The following COL27A1 variants were observed in gnomAD, a reference collection of about 807,000 sequenced individuals.
COL27A1 encodes the protein collagen type XXVII alpha 1 chain.
In COL27A1, 106 loss-of-function variants were observed where a neutral mutation model predicts 251.3. The observed-to-expected ratio is 0.42, with a 90% CI of 0.36 to 0.50. The LOEUF (loss-of-function observed/expected upper bound fraction) is 0.50. Ranked by LOEUF, COL27A1 falls within the 20% of genes least tolerant of loss-of-function variation. The pLI is 0.00. For missense variants in COL27A1, 2,325 were observed against 2,522.8 expected (o/e 0.92, Z 1.68); for synonymous variants, 1,000 against 986.3 (o/e 1.01, Z -0.26).
chr9:114,263,982 A>G (rs1002552850), intron 28 of COL27A1, among the ~76,000 whole-genome samples: 5 of 152,240 alleles, frequency 3.3e-5, no homozygotes, highest in African/African-American at 1.2e-4. Flanking sequence ...ACATGGCAGC[A>G]GAGTCTGAAG....
intron 50 of COL27A1, 185 bp downstream of exon 50, chr9:114,300,308 A>G (rs1161353331): frequency 9.4e-6 from 6 of 636,372 alleles, no homozygotes; most frequent in Non-Finnish European, 1.6e-5. Flanking sequence ...CAGCTACACA[A>G]TTACCTGCTC....
chr9:114,186,742 A>G (rs988325058), intron 5 of COL27A1, among the ~76,000 whole-genome samples: 1 of 152,202 alleles, frequency 6.6e-6, no homozygotes, highest in African/African-American at 2.4e-5. Flanking sequence ...CAGAATTGAC[A>G]TGACTGGATG....
rs1219651374 is a variant in COL27A1, at chr9:114,167,628, G to T, written c.134-61G>T. 5.6e-6 allele frequency: 8 copies of T among 1,434,260 alleles called. No homozygotes were observed. The African/African-American group carries it at 8.4e-5, about 15-fold the overall frequency. 88.8% of individuals were successfully genotyped at this position (1,434,260 alleles called of 1,614,324 possible). On this transcript the variant is annotated intron_variant, in intron 2 of 60. Transcript: ENST00000356083. Reference sequence around the variant, plus strand: ...ATTGCCTGTGCCCCTTAGGGGGTAGGGGGTGGGGTGGGCTGGAGCAGGCCC... The same window carrying T: ...ATTGCCTGTGCCCCTTAGGGGGTAGTGGGTGGGGTGGGCTGGAGCAGGCCC...
At position 114,290,320 on chromosome 9, in the gene COL27A1, G is replaced by A; in HGVS notation, c.4357G>A (p.Ala1453Thr). The A allele has an allele frequency of 3.2e-6, 5 of 1,576,832 alleles. No individual in the cohort carries two copies. Among genetic ancestry groups the A allele is most frequent in the Non-Finnish European group, 4.3e-6 (5 of 1,161,138 alleles). Residue 1453 changes from alanine to threonine, a missense_variant, in exon 47 of 61, where the codon GCA becomes ACA. Ala to Thr is a moderately conservative substitution (Grantham distance 58, BLOSUM62 0). This residue lies in a region of COL27A1 where 153 missense variants were observed against 140.7 expected (regional missense o/e 1.09). Transcript: ENST00000356083. The surrounding 1 kb of genome is among the most constrained non-coding windows in gnomAD (Gnocchi z 4.6). ...TGGGCTTCCTGGCAGGGACGGGCAA[G>A]CAGGACAGCAGGTGAGCGGGAATTG... is the stretch of plus-strand genomic sequence containing the variant. Reference protein sequence around the residue: ...PDGLPGRDGQAGQQGEQGDDG... With the variant: ...PDGLPGRDGQTGQQGEQGDDG...
intron 27 of COL27A1, among the ~76,000 whole-genome samples, chr9:114,255,208 G>A (rs1269259872): frequency 2.6e-5 from 4 of 152,204 alleles, no homozygotes; most frequent in Non-Finnish European, 5.9e-5. Context: ...GACTGTTGGG[G>A]TAGAAGCAGG....
intron 12 of COL27A1, among the ~76,000 whole-genome samples, chr9:114,214,008 T>C (rs1830542330): frequency 6.6e-6 from 1 of 152,202 alleles, no homozygotes; most frequent in Admixed American, 6.5e-5. Flanking sequence ...CTCAACTCTG[T>C]TCCAGCCACC....
chr9:114,247,363 C>T lies in COL27A1; in HGVS notation c.2979+1453C>T, dbSNP rs562664124. On this transcript the variant is annotated intron_variant, in intron 24 of 60. Transcript: ENST00000356083. The stretch of plus-strand genomic sequence containing the variant: ...GTGGTTTGTTGCCTACACTCATATT[C>T]GAGGCAAATGCTAAATTTCAATTAG... Among the ~76,000 whole-genome samples, 454 of 152,206 alleles carry T rather than the reference C, an allele frequency of 3.0e-3. 3 individuals carry two copies. The highest frequency in any genetic ancestry group is 0.01 in the Middle Eastern group (3 of 294).
At chr9:114,300,286 A>G in intron 50 of COL27A1, 163 bp downstream of exon 50, 1 of 693,714 alleles carries the variant, frequency 1.4e-6, no homozygotes, top group Middle Eastern at 3.6e-4. Flanking sequence ...CAGAAGATCT[A>G]GGTTCCAAGC....
In COL27A1 at chr9:114,311,897, G is replaced by C. The variant is rs1053702315; in HGVS notation, c.*1202G>C. On this transcript the variant is annotated 3_prime_UTR_variant, in exon 61 of 61. Transcript: ENST00000356083. ...CCGAGGTCCTCACTTCCAGGAGCCT[G>C]TCCTTGCAAGATGCAATCATCGTTC... The C allele has an allele frequency of 1.3e-5, 2 of 152,254 alleles. No homozygotes were observed. The highest frequency in any genetic ancestry group is 4.8e-5 in the African/African-American group (2 of 41,462). The allele number at this position is 152,254 out of a possible 1,614,324, so 9.4% of individuals were successfully genotyped here. A position where few individuals can be genotyped will look rare whatever the true frequency, so the allele number is the denominator to read the frequency against.
At chr9:114,301,524 T>TC in intron 54 of COL27A1, 62 bp downstream of exon 54, 1 of 1,576,228 alleles carries the variant, frequency 6.3e-7, no homozygotes, top group South Asian at 1.1e-5. Context: ...TGCATTCTCC[T>TC]CCCGGTGGTA....
chr9:114,292,181 CA>C lies in COL27A1; in HGVS notation c.4556del (p.Gln1519ArgfsTer48), dbSNP rs1827967460. ...TEGRTGLPGN[Q>X]GEPGSKGQPG... ...GGGCAGAACGGGGCTCCCTGGAAAC[CA>C]GGGGGAGCCTGGGTCCAAAGGCCAG... On this transcript the variant is annotated frameshift_variant, in exon 49 of 61. Transcript: ENST00000356083. LOFTEE classifies it high-confidence loss of function. 1 of 1,557,412 alleles carries C rather than the reference CA, an allele frequency of 6.4e-7. No individual in the cohort carries two copies. The highest frequency in any genetic ancestry group is 1.2e-5 in the South Asian group (1 of 84,334).
chr9:114,217,123 C>T (rs2135369522), intron 12 of COL27A1, among the ~76,000 whole-genome samples: 1 of 152,324 alleles, frequency 6.6e-6, no homozygotes, highest in African/African-American at 2.4e-5. Context: ...TTTACTGTTG[C>T]TATGATTGTT....
chr9:114,240,596 A>C, intron 21 of COL27A1, 109 bp downstream of exon 21: 1 of 1,035,318 alleles, frequency 9.7e-7, no homozygotes, highest in Non-Finnish European at 1.4e-6. Flanking sequence ...CCCCTCAGCC[A>C]GGACACCACC....
intron 24 of COL27A1, among the ~76,000 whole-genome samples, chr9:114,248,493 C>T (rs1057302986): frequency 4.6e-5 from 7 of 152,218 alleles, no homozygotes; most frequent in Non-Finnish European, 7.3e-5. Flanking sequence ...CCTGCCTGTG[C>T]GGTGCCCGCT....
chr9:114,169,157 G>C lies in COL27A1; in HGVS notation c.1602G>C (p.Lys534Asn), dbSNP rs142652014. 78 of 1,614,108 alleles carry C rather than the reference G, an allele frequency of 4.8e-5. 1 individual carries two copies. In the African/African-American group the frequency reaches 8.9e-4, roughly 18 times the overall value. The stretch of plus-strand genomic sequence containing the variant: ...CTGGCTCAGCTCCCACTGGAAGCAA[G>C]AAGCCCATTGGATCGGAAGCCTCAA... ...PTPGSAPTGS[K>N]KPIGSEASKK... is the part of the protein sequence containing the mutation. The change falls in exon 3 of 61, where the codon AAG becomes AAC. Residue 534 changes from lysine (K) to asparagine (N), a missense_variant. Transcript: ENST00000356083.
At chr9:114,232,494 T>C (rs1353797545) in intron 16 of COL27A1, among the ~76,000 whole-genome samples, 1 of 152,194 alleles carries the variant, frequency 6.6e-6, no homozygotes, top group Non-Finnish European at 1.5e-5. Context: ...ACTTGTGCCC[T>C]GCTCTGTGGC....
chr9:114,196,123 C>G, intron 7 of COL27A1, 111 bp downstream of exon 7: 7 of 925,608 alleles, frequency 7.6e-6, no homozygotes, highest in South Asian at 1.3e-5. Flanking sequence ...CAGCCCAGCT[C>G]CCCTGGGCAC....
At position 114,306,682 on chromosome 9, in the gene COL27A1, G is replaced by GT; in HGVS notation, c.5102dup (p.Asp1702GlyfsTer15). 1 of 1,612,942 alleles carries GT rather than the reference G, an allele frequency of 6.2e-7. No homozygotes were observed. The highest frequency in any genetic ancestry group is 8.5e-7 in the Non-Finnish European group (1 of 1,179,672). ...CCTCATGGACTGTGAGCAGAAGATG[G>GT]TGGATGGTGAGAAGGCTTCCTGCCG... On this transcript the variant is annotated frameshift_variant, in exon 58 of 61. Transcript: ENST00000356083. LOFTEE classifies it high-confidence loss of function.
intron 37 of COL27A1, 110 bp from the exon 38 acceptor site, chr9:114,282,167 C>G: frequency 1.0e-6 from 1 of 954,344 alleles, no homozygotes; most frequent in East Asian, 2.4e-5. Context: ...GAATCAGTTT[C>G]GAACCTGGCC....
Sources: allele counts gnomAD v4.1 joint callset (sites outside exome capture counted in the v4.1 genomes callset), GRCh38; gene constraint gnomAD v4.1.1; regional missense constraint gnomAD v4.1.1; non-coding constraint Gnocchi (gnomAD v3.1); transcripts MANE v1.5; gene names NCBI Gene and HGNC (gene_info 2026-07-23, HGNC 2026-07-21).